COL5A2: variants seen among roughly 807,000 people sequenced by gnomAD.
The protein encoded by COL5A2 is collagen type V alpha 2 chain.
In COL5A2, 23 loss-of-function variants were observed where a neutral mutation model predicts 208.2. That is an observed-to-expected ratio of 0.11 (90% CI 0.08 to 0.16). COL5A2 has a LOEUF of 0.16. COL5A2 is among the 10% of genes least tolerant of loss of function. The pLI is 1.00. For missense variants in COL5A2, 1,590 were observed against 1,956.4 expected (o/e 0.81, Z 3.53); for synonymous variants, 625 against 628.5 (o/e 0.99, Z 0.08).
chr2:189,268,144 CT>C, the COL5A2 span, among the ~76,000 whole-genome samples: 3 of 152,164 alleles, frequency 2.0e-5, no homozygotes, highest in East Asian at 3.9e-4. Flanking sequence ...AGTCACAGTA[CT>C]TTTGAAATAA....
chr2:189,390,084 A>C, the COL5A2 span, among the ~76,000 whole-genome samples: 1 of 151,948 alleles, frequency 6.6e-6, no homozygotes, highest in African/African-American at 2.4e-5. Flanking sequence ...GGCCTCCTAG[A>C]TCTCTAGGAA....
chr2:189,083,912 T>C, intron 12 of COL5A2, 72 bp downstream of exon 12: 1 of 1,095,346 alleles, frequency 9.1e-7, no homozygotes, highest in Non-Finnish European at 1.4e-6. Flanking sequence ...TACATGTGCA[T>C]ACAGAGAATT....
chr2:189,053,594 A>C (rs1685837649), intron 37 of COL5A2, 117 bp from the exon 38 acceptor site: 2 of 969,936 alleles, frequency 2.1e-6, no homozygotes, highest in Non-Finnish European at 3.2e-6. Flanking sequence ...AAAATTACAC[A>C]TATTGCTTAA....
chr2:189,149,309 A>C (rs1688100155), intron 1 of COL5A2, among the ~76,000 whole-genome samples: 1 of 152,228 alleles, frequency 6.6e-6, no homozygotes, highest in African/African-American at 2.4e-5. Context: ...AGGTTCTATA[A>C]ACTTCAAACA....
At chr2:189,137,795 A>G (rs1376325070) in intron 1 of COL5A2, among the ~76,000 whole-genome samples, 1 of 152,130 alleles carries the variant, frequency 6.6e-6, no homozygotes, top group Admixed American at 6.5e-5. Context: ...GGGTGCATAA[A>G]TGATGTGTGC....
chr2:189,243,996 A>G, the COL5A2 span, among the ~76,000 whole-genome samples: 1 of 152,176 alleles, frequency 6.6e-6, no homozygotes, highest in Non-Finnish European at 1.5e-5. Context: ...CAGCTGGAGA[A>G]GCTGGGACAC....
At chr2:189,282,367 T>G in the COL5A2 span, among the ~76,000 whole-genome samples, 1 of 152,162 alleles carries the variant, frequency 6.6e-6, no homozygotes, top group East Asian at 1.9e-4. Context: ...TGTTTCCCAG[T>G]GACTGGAATG....
At chr2:189,114,359 A>G (rs1001541769) in intron 1 of COL5A2, among the ~76,000 whole-genome samples, 1 of 152,218 alleles carries the variant, frequency 6.6e-6, no homozygotes, top group Admixed American at 6.5e-5. Context: ...TGTACACCAT[A>G]TGATTAAGTT....
At chr2:189,355,274 G>A in the COL5A2 span, among the ~76,000 whole-genome samples, 4 of 152,184 alleles carry the variant, frequency 2.6e-5, no homozygotes, top group Non-Finnish European at 5.9e-5. Flanking sequence ...GGGATGGAGA[G>A]TTCTGTAGAT....
the COL5A2 span, among the ~76,000 whole-genome samples, chr2:189,336,988 T>A: frequency 6.6e-6 from 1 of 152,182 alleles, no homozygotes; most frequent in African/African-American, 2.4e-5. Flanking sequence ...AGGAACTATT[T>A]TTTTCTGGCC....
chr2:189,275,905 C>T, the COL5A2 span, among the ~76,000 whole-genome samples: 1 of 152,224 alleles, frequency 6.6e-6, no homozygotes, highest in East Asian at 1.9e-4. Context: ...TAAATACCCC[C>T]CAACTAATTT....
At chr2:189,175,859 C>A (rs1401271329) in intron 1 of COL5A2, among the ~76,000 whole-genome samples, 2 of 152,016 alleles carry the variant, frequency 1.3e-5, no homozygotes, top group African/African-American at 4.8e-5. Context: ...GGCCAGAAAA[C>A]CTTTTTTTGT....
chr2:189,301,118 T>C, the COL5A2 span, among the ~76,000 whole-genome samples: 3 of 151,796 alleles, frequency 2.0e-5, no homozygotes, highest in South Asian at 2.1e-4. Context: ...ACCCAGGAAG[T>C]AGAGGCTGCA....
the COL5A2 span, chr2:189,311,834 TC>T: frequency 1.6e-6 from 2 of 1,278,272 alleles, no homozygotes; most frequent in Non-Finnish European, 2.3e-6. Context: ...GGCATCTACC[TC>T]CACGGTCAAG....
intron 44 of COL5A2, among the ~76,000 whole-genome samples, chr2:189,048,774 T>C (rs564651050): frequency 6.6e-6 from 1 of 152,332 alleles, no homozygotes; most frequent in African/African-American, 2.4e-5. Flanking sequence ...TTCAATAAAA[T>C]GTTACATTAA....
chr2:189,351,598 G>A, the COL5A2 span, among the ~76,000 whole-genome samples: 1 of 152,084 alleles, frequency 6.6e-6, no homozygotes, highest in Non-Finnish European at 1.5e-5. Context: ...TGTAAATTTT[G>A]TGTCATTTTG....
At chr2:189,088,542 GA>G (rs1471490123) in intron 8 of COL5A2, among the ~76,000 whole-genome samples, 152 bp downstream of exon 8, 1 of 116,168 alleles carries the variant, frequency 8.6e-6, no homozygotes, top group Non-Finnish European at 1.9e-5. Context: ...GCATACAGTA[GA>G]GTAAATAAGT....
At chr2:189,203,318 T>A (rs1395964807) in intron 1 of COL5A2, among the ~76,000 whole-genome samples, 4 of 152,082 alleles carry the variant, frequency 2.6e-5, no homozygotes, top group African/African-American at 9.7e-5. Flanking sequence ...AACACACCCA[T>A]CCCATAAATA....
chr2:189,408,607 CAT>C, the COL5A2 span, among the ~76,000 whole-genome samples: 2,970 of 152,216 alleles, frequency 0.02, 95 homozygotes, highest in African/African-American at 0.068. Context: ...ATTAAAATAA[CAT>C]AAATTATATG....
Sources: gnomAD v4.1 joint callset for allele counts (sites outside exome capture counted in the v4.1 genomes callset) on GRCh38, gnomAD v4.1.1 for gene constraint, MANE v1.5 for transcripts, NCBI Gene and HGNC (gene_info 2026-07-23, HGNC 2026-07-21) for gene names.